PAK5: variants seen among roughly 807,000 people sequenced by gnomAD.
The protein encoded by PAK5 is p21 (RAC1) activated kinase 5.
Under a neutral mutation model 65.9 loss-of-function variants are expected in PAK5, and 16 were observed. The observed-to-expected ratio is 0.24, with a 90% CI of 0.16 to 0.37. The LOEUF (loss-of-function observed/expected upper bound fraction) is 0.37, where lower values mean the gene tolerates loss of function less well. Ranked by LOEUF, PAK5 falls within the 10% of genes least tolerant of loss-of-function variation. PAK5 has a pLI of 1.00. For synonymous variants in PAK5, 371 were observed against 354.9 expected, an observed-to-expected ratio of 1.05 and a Z score of -0.51; for missense variants, 785 against 903.9, an observed-to-expected ratio of 0.87 and a Z score of 1.69.
Position 9,766,372 on chromosome 20 carries a change from CAAGCAGAATA to C in PAK5, c.-161-54947_-161-54938del, listed in dbSNP as rs1569079044. On this transcript the variant is annotated intron_variant, in intron 1 of 9. Coordinates refer to ENST00000353224, the MANE Select transcript of PAK5 (RefSeq NM_177990.4). ...ACTTACTTGAATATATATATATATT[CAAGCAGAATA>C]TATATGTATATATATATTCAAGCAG... 8.3e-3 allele frequency among the ~76,000 whole-genome samples: 269 copies of C among 32,382 alleles called. 66 individuals are homozygous for C. The highest frequency in any genetic ancestry group is 0.04 in the African/African-American group (232 of 5,836). 21.2% of individuals were successfully genotyped at this position (32,382 alleles called of 152,430 possible). A position where few individuals can be genotyped will look rare whatever the true frequency, so the allele number is the denominator to read the frequency against.
At chr20:9,687,918 G>A (rs1325139882) in intron 2 of PAK5, among the ~76,000 whole-genome samples, 2 of 140,138 alleles carry the variant, frequency 1.4e-5, no homozygotes, top group Non-Finnish European at 3.1e-5. Context: ...TGTGTGTTAT[G>A]TGTGTGCATC....
chr20:9,555,347 T>C (rs372768457), intron 7 of PAK5, among the ~76,000 whole-genome samples: 92 of 152,274 alleles, frequency 6.0e-4, no homozygotes, highest in African/African-American at 2.1e-3. Context: ...GATTTAAAAA[T>C]CTTGCACATT....
At chr20:9,695,652 G>T (rs967285866) in intron 2 of PAK5, among the ~76,000 whole-genome samples, 4 of 151,968 alleles carry the variant, frequency 2.6e-5, no homozygotes, top group African/African-American at 9.7e-5. Flanking sequence ...AGATGTGAAG[G>T]TTGGCAAATA....
chr20:9,668,369 G>A (rs575512479), intron 2 of PAK5, among the ~76,000 whole-genome samples: 1 of 152,304 alleles, frequency 6.6e-6, no homozygotes, highest in East Asian at 1.9e-4. Flanking sequence ...ATGTATAAGG[G>A]AGTCTATTCT....
intron 7 of PAK5, among the ~76,000 whole-genome samples, chr20:9,548,608 G>A (rs2094810374): frequency 6.6e-6 from 1 of 152,056 alleles, no homozygotes; most frequent in Admixed American, 6.6e-5. Context: ...GAGCCTTACT[G>A]TGTTCCTTAA....
intron 1 of PAK5, among the ~76,000 whole-genome samples, chr20:9,744,905 TA>T (rs1180200303): frequency 6.6e-6 from 1 of 152,172 alleles, no homozygotes; most frequent in African/African-American, 2.4e-5. Flanking sequence ...TCATTTTAAC[TA>T]TACTGAGAAG....
chr20:9,771,389 A>T (rs925580702), intron 1 of PAK5, among the ~76,000 whole-genome samples: 7 of 151,654 alleles, frequency 4.6e-5, no homozygotes, highest in African/African-American at 1.7e-4. Flanking sequence ...GTCAAGAAAG[A>T]GCAGATCTAT....
At chr20:9,625,230 T>C (rs1166902577) in intron 3 of PAK5, among the ~76,000 whole-genome samples, 1 of 152,122 alleles carries the variant, frequency 6.6e-6, no homozygotes, top group East Asian at 1.9e-4. Flanking sequence ...TTCAACACCA[T>C]CTCCTTATAT....
At chr20:9,556,614 T>C (rs1192275515) in intron 7 of PAK5, among the ~76,000 whole-genome samples, 1 of 152,228 alleles carries the variant, frequency 6.6e-6, no homozygotes, top group Non-Finnish European at 1.5e-5. Flanking sequence ...TTTGAAACTC[T>C]TCCATTTAAC....
intron 1 of PAK5, among the ~76,000 whole-genome samples, chr20:9,770,547 G>C (rs1383568108): frequency 6.6e-6 from 1 of 152,160 alleles, no homozygotes; most frequent in East Asian, 1.9e-4. Flanking sequence ...TGTTTAGCTG[G>C]GTGAGTGTAG....
chr20:9,684,630 TTGCTTTCTATAAA>T (rs1473889446), intron 2 of PAK5, among the ~76,000 whole-genome samples: 1 of 152,216 alleles, frequency 6.6e-6, no homozygotes, highest in Non-Finnish European at 1.5e-5. Flanking sequence ...ATGGCCTCTG[TTGCTTTCTATAAA>T]TGCATTTTTT....
intron 1 of PAK5, among the ~76,000 whole-genome samples, chr20:9,773,387 C>G (rs927551211): frequency 2.3e-4 from 35 of 152,236 alleles, no homozygotes; most frequent in African/African-American, 8.2e-4. Context: ...ATCCCTCCCC[C>G]TTCCCCCGAC....
chr20:9,615,611 A>G (rs967014115), intron 3 of PAK5, among the ~76,000 whole-genome samples: 2 of 152,384 alleles, frequency 1.3e-5, no homozygotes, highest in South Asian at 2.1e-4. Context: ...AGTAAAAACT[A>G]TAACAAAAAC....
At chr20:9,648,299 T>C (rs182657190) in intron 2 of PAK5, among the ~76,000 whole-genome samples, 1 of 152,294 alleles carries the variant, frequency 6.6e-6, no homozygotes, top group East Asian at 1.9e-4. Flanking sequence ...TCACACGGGT[T>C]GTGGTTAATT....
chr20:9,730,909 C>T (rs1361446716), intron 1 of PAK5, among the ~76,000 whole-genome samples: 1 of 152,118 alleles, frequency 6.6e-6, no homozygotes, highest in Admixed American at 6.5e-5. Context: ...TTCCCAAAAG[C>T]AAATCCAGAG....
chr20:9,572,012 A>G (rs920777887), intron 4 of PAK5, among the ~76,000 whole-genome samples: 5 of 151,542 alleles, frequency 3.3e-5, no homozygotes, highest in Admixed American at 2.0e-4. Context: ...GAATTGGACC[A>G]GAACATGATG....
At chr20:9,575,312 C>T (rs910100220) in intron 4 of PAK5, among the ~76,000 whole-genome samples, 39 of 152,216 alleles carry the variant, frequency 2.6e-4, no homozygotes, top group African/African-American at 8.2e-4. Context: ...GTCTTGGCCT[C>T]CCCAGTAGCT....
intron 7 of PAK5, among the ~76,000 whole-genome samples, chr20:9,557,195 C>T (rs2122953882): frequency 6.6e-6 from 1 of 152,274 alleles, no homozygotes; most frequent in South Asian, 2.1e-4. Flanking sequence ...TTACACCATC[C>T]TCAAATTACC....
intron 3 of PAK5, among the ~76,000 whole-genome samples, chr20:9,593,806 A>ATCTC (rs140675565): frequency 2.7e-5 from 4 of 147,428 alleles, no homozygotes; most frequent in Non-Finnish European, 3.0e-5. Flanking sequence ...TATCCCAAGG[A>ATCTC]TCTCTCTCTC....
Sources: gnomAD v4.1 joint callset for allele counts (sites outside exome capture counted in the v4.1 genomes callset) on GRCh38, gnomAD v4.1.1 for gene constraint, MANE v1.5 for transcripts, NCBI Gene and HGNC (gene_info 2026-07-23, HGNC 2026-07-21) for gene names.